OSBPL1A: variants seen among roughly 807,000 people sequenced by gnomAD.
OSBPL1A encodes the protein oxysterol binding protein like 1A, also known as oxysterol-binding protein-related protein 1.
OSBPL1A carries 80 observed loss-of-function variants against 137.1 expected under a neutral mutation model. The observed-to-expected ratio is 0.58, with a 90% CI of 0.49 to 0.70. The LOEUF (loss-of-function observed/expected upper bound fraction) is 0.70, where lower values mean the gene tolerates loss of function less well. Among genes scored for constraint, OSBPL1A ranks in the 30% least tolerant of loss-of-function variants. The probability of loss-of-function intolerance (pLI) is 0.00; values close to 1 mark genes in which losing one functional copy is unlikely to be tolerated. For missense variants in OSBPL1A, 970 were observed against 1,129.4 expected (o/e 0.86, Z 2.02); for synonymous variants, 365 against 389.7 (o/e 0.94, Z 0.75).
intron 14 of OSBPL1A, among the ~76,000 whole-genome samples, chr18:24,285,200 T>G (rs1449031033): frequency 6.6e-6 from 1 of 152,198 alleles, no homozygotes; most frequent in African/African-American, 2.4e-5. Context: ...CTGTAAACTC[T>G]AAACCTCCTT....
intron 16 of OSBPL1A, among the ~76,000 whole-genome samples, chr18:24,232,796 A>C (rs1429803557): frequency 2.0e-5 from 3 of 146,508 alleles, no homozygotes; most frequent in African/African-American, 7.5e-5. Context: ...GTAAAGTGCA[A>C]GTTGCTGAAG....
At chr18:24,299,295 G>GT (rs530992743) in intron 14 of OSBPL1A, among the ~76,000 whole-genome samples, 4 of 151,538 alleles carry the variant, frequency 2.6e-5, no homozygotes, top group East Asian at 3.9e-4. Context: ...TAGATACTTT[G>GT]TTTTTTTTCA....
At chr18:24,168,332 G>T (rs4800559) in intron 24 of OSBPL1A, among the ~76,000 whole-genome samples, 70,151 of 152,020 alleles carry the variant, frequency 0.46, 19,516 homozygotes, top group Non-Finnish European at 0.63. Flanking sequence ...ACACCAGAGA[G>T]GAACAATCTG....
chr18:24,221,635 G>A (rs1442593068), intron 17 of OSBPL1A, among the ~76,000 whole-genome samples: 1 of 152,098 alleles, frequency 6.6e-6, no homozygotes, highest in East Asian at 1.9e-4. Context: ...TTATGAAAGA[G>A]ACCCATTTTC....
intron 21 of OSBPL1A, among the ~76,000 whole-genome samples, chr18:24,172,840 C>T (rs1286792390): frequency 1.3e-5 from 2 of 152,066 alleles, no homozygotes; most frequent in Admixed American, 1.3e-4. Flanking sequence ...AGAAAGTACC[C>T]TCCAGCTCAC....
At chr18:24,392,635 T>A (rs905937817) in intron 1 of OSBPL1A, among the ~76,000 whole-genome samples, 8 of 152,220 alleles carry the variant, frequency 5.3e-5, no homozygotes, top group African/African-American at 1.9e-4. Flanking sequence ...ACACATCCTA[T>A]AAACTAAATC....
At position 24,272,039 on chromosome 18, in the gene OSBPL1A, C is replaced by T. The variant is rs937293759; in HGVS notation, c.1281+8803G>A. ...CTCCCTGCGCGCGGCGGGCAGCGTCCGGGCCGCTCCTCCCCTTCCCCAGCG... is the reference window on the plus strand; with the variant it reads ...CTCCCTGCGCGCGGCGGGCAGCGTCTGGGCCGCTCCTCCCCTTCCCCAGCG... On this transcript the variant is annotated intron_variant, in intron 15 of 27. Coordinates refer to ENST00000319481, the MANE Select transcript of OSBPL1A (RefSeq NM_080597.4). The T allele has an allele frequency of 4.1e-6, 4 of 982,130 alleles. No individual in the cohort carries two copies. The African/African-American group carries it at 7.0e-5, about 17-fold the overall frequency. The allele number at this position is 982,130 out of a possible 1,614,324, so 60.8% of individuals were successfully genotyped here.
intron 15 of OSBPL1A, among the ~76,000 whole-genome samples, chr18:24,255,690 C>T (rs2089251447): frequency 6.6e-6 from 1 of 152,142 alleles, no homozygotes; most frequent in Non-Finnish European, 1.5e-5. Flanking sequence ...GCTCTGACCA[C>T]CTTCAGACAC....
intron 15 of OSBPL1A, among the ~76,000 whole-genome samples, chr18:24,260,821 A>G (rs1201746978): frequency 3.4e-5 from 5 of 146,016 alleles, no homozygotes; most frequent in Admixed American, 3.4e-4. Flanking sequence ...ATTTTTCCCC[A>G]AAGTTTAAAA....
At chr18:24,351,346 TCAA>T (rs2091435684) in intron 4 of OSBPL1A, among the ~76,000 whole-genome samples, 1 of 34,156 alleles carries the variant, frequency 2.9e-5, no homozygotes, top group African/African-American at 1.6e-4. Flanking sequence ...AGACTCTGTC[TCAA>T]AAAAAAAAAA....
chr18:24,229,906 A>G (rs2088217169), intron 16 of OSBPL1A, among the ~76,000 whole-genome samples: 1 of 152,002 alleles, frequency 6.6e-6, no homozygotes, highest in Admixed American at 6.6e-5. Context: ...GCGCGCCACC[A>G]TGCCCGGCTA....
At chr18:24,212,814 T>C (rs774281410) in intron 17 of OSBPL1A, among the ~76,000 whole-genome samples, 2 of 152,230 alleles carry the variant, frequency 1.3e-5, no homozygotes, top group South Asian at 2.1e-4. Flanking sequence ...AAGTTTAATA[T>C]ACAGAAATCA....
intron 16 of OSBPL1A, among the ~76,000 whole-genome samples, chr18:24,226,159 C>T (rs772239761): frequency 1.3e-5 from 2 of 152,026 alleles, no homozygotes; most frequent in Admixed American, 6.6e-5. Context: ...AAGAAGACAA[C>T]GCATTTTTGT....
chr18:24,336,640 T>C (rs1372481727), intron 5 of OSBPL1A, among the ~76,000 whole-genome samples: 1 of 152,190 alleles, frequency 6.6e-6, no homozygotes. Flanking sequence ...TCCTATAAGA[T>C]TTAAATTTAG....
intron 18 of OSBPL1A, among the ~76,000 whole-genome samples, chr18:24,191,575 T>A (rs570643031): frequency 6.6e-6 from 1 of 152,364 alleles, no homozygotes; most frequent in South Asian, 2.1e-4. Flanking sequence ...TTATAATGTT[T>A]ACAATTGTAA....
intron 15 of OSBPL1A, among the ~76,000 whole-genome samples, chr18:24,249,589 T>G (rs1249024557): frequency 6.6e-6 from 1 of 151,774 alleles, no homozygotes; most frequent in Non-Finnish European, 1.5e-5. Context: ...GCATGGAGAG[T>G]ATCTGCACTT....
At chr18:24,372,803 C>G (rs558587287) in intron 2 of OSBPL1A, among the ~76,000 whole-genome samples, 5 of 152,174 alleles carry the variant, frequency 3.3e-5, no homozygotes, top group African/African-American at 1.2e-4. Flanking sequence ...GCAGCTCACA[C>G]CTGTAATCCC....
At chr18:24,344,941 G>A (rs577987165) in intron 4 of OSBPL1A, among the ~76,000 whole-genome samples, 2 of 152,102 alleles carry the variant, frequency 1.3e-5, no homozygotes, top group East Asian at 3.9e-4. Flanking sequence ...AGCCTCCCAA[G>A]TAGCTGGGAC....
intron 16 of OSBPL1A, among the ~76,000 whole-genome samples, chr18:24,235,158 C>A (rs540878636): frequency 1.3e-5 from 2 of 152,158 alleles, no homozygotes; most frequent in South Asian, 4.1e-4. Flanking sequence ...AACAAAGGAT[C>A]ACCATGGATG....
Sources: allele counts gnomAD v4.1 joint callset (sites outside exome capture counted in the v4.1 genomes callset), GRCh38; gene constraint gnomAD v4.1.1; transcripts MANE v1.5; gene names NCBI Gene and HGNC (gene_info 2026-07-23, HGNC 2026-07-21).